YIF1B: variants seen among roughly 807,000 people sequenced by gnomAD.
YIF1B encodes protein YIF1B.
In YIF1B, 24 loss-of-function variants were observed where a neutral mutation model predicts 34.6. The observed-to-expected ratio is 0.69, with a 90% CI of 0.50 to 0.98. YIF1B has a LOEUF of 0.98. Ranked by LOEUF, YIF1B falls within the 50% of genes least tolerant of loss-of-function variation. YIF1B has a pLI of 0.00. For synonymous variants in YIF1B, 186 were observed against 184.8 expected (o/e 1.01, Z -0.05); for missense variants, 368 against 429.4 (o/e 0.86, Z 1.26).
At chr19:38,308,958 A>C in intron 4 of YIF1B, 21 bp downstream of exon 4, 4 of 1,610,712 alleles carry the variant, frequency 2.5e-6, no homozygotes, top group Non-Finnish European at 3.4e-6. Flanking sequence ...AGGAGGGTGC[A>C]GGGTAGGGGG....
intron 1 of YIF1B, among the ~76,000 whole-genome samples, chr19:38,314,144 G>A (rs1044176821): frequency 6.6e-6 from 1 of 151,442 alleles, no homozygotes; most frequent in African/African-American, 2.4e-5. Flanking sequence ...TCCTGCCTCA[G>A]CCGCCCGAGT....
rs1968893892 is a variant in YIF1B, at chr19:38,304,450, T to C, written c.*902A>G. ...GATCCCAAGCTCAGTCCCCACAAAG[T>C]TCAGGGCCGGTCGGAGGCAGGGGCA... is the stretch of plus-strand genomic sequence containing the variant. On this transcript the variant is annotated 3_prime_UTR_variant, in exon 8 of 8. Coordinates refer to ENST00000339413, the MANE Select transcript of YIF1B (RefSeq NM_001039672.3). 5.1e-6 allele frequency: 8 copies of C among 1,557,762 alleles called. No individual in the cohort carries two copies. The highest frequency in any genetic ancestry group is 8.7e-7 in the Non-Finnish European group (1 of 1,151,338).
chr19:38,304,181 G>T lies in YIF1B; in HGVS notation c.*1171C>A, dbSNP rs2146288453. ...GTCTCAGCATTCCTCCAACGGGCAG[G>T]TCTCAGCGCTCCTCCCCCTGCTCCG... is the stretch of plus-strand genomic sequence containing the variant. On this transcript the variant is annotated 3_prime_UTR_variant, in exon 8 of 8. Coordinates refer to ENST00000339413, the MANE Select transcript of YIF1B (RefSeq NM_001039672.3). The T allele has an allele frequency of 4.5e-6, 7 of 1,560,794 alleles. No homozygotes were observed. The highest frequency in any genetic ancestry group is 1.4e-5 in the African/African-American group (1 of 74,006).
In YIF1B at chr19:38,309,320, G is replaced by A; in HGVS notation, c.306C>T (p.Arg102=). 1 of 1,614,114 alleles carries A rather than the reference G, an allele frequency of 6.2e-7. No individual in the cohort carries two copies. The highest frequency in any genetic ancestry group is 8.5e-7 in the Non-Finnish European group (1 of 1,179,994). Residue 102 remains arginine, a synonymous_variant, in exon 3 of 8, where the codon CGC becomes CGT. Transcript: ENST00000339413. ...ACTTGAGCTTGGTGATGGGGATGAA[G>A]CGGTCGATCTGGGGAGGCAGAGCTC... ...GKELVDKNID[R]FIPITKLKYY...
chr19:38,306,110 G>A (rs1471429176), intron 7 of YIF1B, among the ~76,000 whole-genome samples: 2 of 148,640 alleles, frequency 1.3e-5, no homozygotes, highest in African/African-American at 4.9e-5. Flanking sequence ...GCTGAGGCAG[G>A]AGACTTGCTC....
upstream of YIF1B, among the ~76,000 whole-genome samples, chr19:38,316,659 T>C (rs570808368): frequency 4.3e-4 from 66 of 152,234 alleles, no homozygotes; most frequent in Admixed American, 1.3e-3. Context: ...TGTAGGGGCT[T>C]ATACAATTTT....
chr19:38,304,522 C>T lies in YIF1B; in HGVS notation c.*830G>A. 6.4e-7 allele frequency: 1 copy of T among 1,567,480 alleles called. No individual in the cohort carries two copies. The highest frequency in any genetic ancestry group is 1.2e-5 in the South Asian group (1 of 86,620). ...CGCCTCATCACCGGCTGCGGAGGGGCGGGAAGGCTGGGGTTGCCCCTGACC... is the reference window on the plus strand; with the variant it reads ...CGCCTCATCACCGGCTGCGGAGGGGTGGGAAGGCTGGGGTTGCCCCTGACC... On this transcript the variant is annotated 3_prime_UTR_variant, in exon 8 of 8. Transcript: ENST00000339413.
intron 5 of YIF1B, 106 bp downstream of exon 5, chr19:38,308,685 TG>T: frequency 7.1e-7 from 1 of 1,409,622 alleles, no homozygotes; most frequent in Non-Finnish European, 1.0e-6. Context: ...GGGAGCAAAG[TG>T]GGGCTGTCCT....
At chr19:38,306,190 G>A (rs1055097353) in intron 7 of YIF1B, among the ~76,000 whole-genome samples, 36 of 129,098 alleles carry the variant, frequency 2.8e-4, no homozygotes, top group African/African-American at 1.0e-3. Flanking sequence ...CCGACAGAGC[G>A]AGACTCTGTC....
At chr19:38,309,748 T>C in intron 1 of YIF1B, 105 bp from the exon 2 acceptor site, 1 of 1,473,116 alleles carries the variant, frequency 6.8e-7, no homozygotes, top group Non-Finnish European at 9.0e-7. Flanking sequence ...CAGAGGAGGG[T>C]GGTGTCACCA....
intron 1 of YIF1B, among the ~76,000 whole-genome samples, chr19:38,314,344 A>G (rs1384287341): frequency 6.6e-6 from 1 of 150,926 alleles, no homozygotes; most frequent in Non-Finnish European, 1.5e-5. Context: ...ACAGGCGCAC[A>G]CCACCACGCC....
Position 38,307,472 on chromosome 19 carries a change from A to G in YIF1B, c.745T>C (p.Tyr249His). The G allele has an allele frequency of 1.2e-6, 2 of 1,613,920 alleles. No individual in the cohort carries two copies. The highest frequency in any genetic ancestry group is 2.2e-5 in the East Asian group (1 of 44,866). The stretch of plus-strand genomic sequence containing the variant: ...ACGCAGCACCAGCCCAGCACCAGGT[A>G]GTAGCCAATCTTCCCGAAGAGCAGG... Reference protein sequence around the residue: ...MGLLFGKIGYYLVLGWCCVAI... With the variant: ...MGLLFGKIGYHLVLGWCCVAI... The change falls in exon 7 of 8, where the codon TAC (tyrosine) becomes CAC (histidine). Residue 249 changes from tyrosine (Y) to histidine (H), a missense_variant. By Grantham distance (83) the Tyr-to-His change is moderately conservative (BLOSUM62 2). Around this residue, in one of 3 missense-constraint regions of YIF1B, gnomAD observed 208 missense variants for 247.8 expected, o/e 0.84. Coordinates refer to ENST00000339413, the MANE Select transcript of YIF1B (RefSeq NM_001039672.3).
upstream of YIF1B, among the ~76,000 whole-genome samples, chr19:38,316,868 C>T (rs1192516020): frequency 1.3e-5 from 2 of 152,062 alleles, no homozygotes; most frequent in Non-Finnish European, 2.9e-5. Flanking sequence ...GCTATGTTGC[C>T]CAGGCTGGTC....
At chr19:38,306,932 C>A (rs1228279009) in intron 7 of YIF1B, 1 of 468,924 alleles carries the variant, frequency 2.1e-6, no homozygotes, top group Non-Finnish European at 4.4e-6. Context: ...CCGACCGCCT[C>A]GGCCTCCCAA....
At chr19:38,320,079 G>A, upstream of YIF1B, 1 of 1,532,060 alleles carries the variant, frequency 6.5e-7, no homozygotes, top group Non-Finnish European at 8.7e-7. Context: ...TGGAGACGCT[G>A]CGGGCGCAGC....
At chr19:38,319,408 C>T (rs939417754), upstream of YIF1B, among the ~76,000 whole-genome samples, 1 of 152,122 alleles carries the variant, frequency 6.6e-6, no homozygotes, top group African/African-American at 2.4e-5. Flanking sequence ...CCACTCTGTC[C>T]ACACGGGCAC....
upstream of YIF1B, among the ~76,000 whole-genome samples, chr19:38,320,884 G>T (rs1969644489): frequency 6.6e-6 from 1 of 152,046 alleles, no homozygotes; most frequent in Non-Finnish European, 1.5e-5. Flanking sequence ...TAATCCTCTT[G>T]GTGACCCGGG....
chr19:38,315,850 G>C lies in YIF1B; in HGVS notation c.58+10C>G. On this transcript the variant is annotated intron_variant, in intron 1 of 7. Coordinates refer to ENST00000339413, the MANE Select transcript of YIF1B (RefSeq NM_001039672.3). ...CCCCGCCCGCCCGATCTCCTCCGCC[G>C]GCCACGTACGCCACTTACGCAGCCG... 1 of 1,447,024 alleles carries C rather than the reference G, an allele frequency of 6.9e-7. No homozygotes were observed. The highest frequency in any genetic ancestry group is 9.1e-7 in the Non-Finnish European group (1 of 1,102,198). 89.6% of individuals were successfully genotyped at this position (1,447,024 alleles called of 1,614,324 possible). A position where few individuals can be genotyped will look rare whatever the true frequency, so the allele number is the denominator to read the frequency against.
intron 1 of YIF1B, 50 bp downstream of exon 1, chr19:38,315,810 G>A (rs1288259087): frequency 4.0e-6 from 6 of 1,502,378 alleles, no homozygotes; most frequent in South Asian, 1.2e-5. Context: ...AACCGACGCG[G>A]CCGCCCCGCC....
Sources: allele counts gnomAD v4.1 joint callset (sites outside exome capture counted in the v4.1 genomes callset), GRCh38; gene constraint gnomAD v4.1.1; regional missense constraint gnomAD v4.1.1; transcripts MANE v1.5; gene names NCBI Gene and HGNC (gene_info 2026-07-23, HGNC 2026-07-21).